Variants in PITPNC1 observed in about 807,000 individuals in gnomAD.
PITPNC1 encodes the protein phosphatidylinositol transfer protein cytoplasmic 1.
PITPNC1 carries 18 observed loss-of-function variants against 44.7 expected under a neutral mutation model. The ratio of observed to expected loss-of-function variants is 0.40; its 90% CI spans 0.28 to 0.60. The LOEUF (loss-of-function observed/expected upper bound fraction) is 0.60, where lower values mean the gene tolerates loss of function less well. Ranked by LOEUF, PITPNC1 falls within the 20% of genes least tolerant of loss-of-function variation. The pLI, the probability that PITPNC1 is intolerant of heterozygous loss-of-function variation, is 0.39. For missense variants in PITPNC1, 290 were observed against 418.4 expected, an observed-to-expected ratio of 0.69 and a Z score of 2.68; for synonymous variants, 141 against 149.6, an observed-to-expected ratio of 0.94 and a Z score of 0.42.
chr17:67,582,919 T>C (rs570418590), intron 5 of PITPNC1, among the ~76,000 whole-genome samples: 13 of 152,246 alleles, frequency 8.5e-5, no homozygotes, highest in African/African-American at 2.9e-4. Flanking sequence ...AGGTTACTGG[T>C]GTTCAATGGG....
intron 6 of PITPNC1, among the ~76,000 whole-genome samples, chr17:67,660,612 C>A (rs1310970478): frequency 6.6e-6 from 1 of 151,532 alleles, no homozygotes; most frequent in Admixed American, 6.6e-5. Flanking sequence ...GTGGCATGAT[C>A]TCAGCTCACG....
In PITPNC1 at chr17:67,508,651, A is replaced by G. The variant is rs907406568; in HGVS notation, c.49-24151A>G. 6.6e-6 allele frequency among the ~76,000 whole-genome samples: 1 copy of G among 152,180 alleles called. No homozygotes were observed. The highest frequency in any genetic ancestry group is 1.5e-5 in the Non-Finnish European group (1 of 68,038). On this transcript the variant is annotated intron_variant, in intron 1 of 8. Coordinates refer to ENST00000581322, the MANE Select transcript of PITPNC1 (RefSeq NM_012417.4). The surrounding 1 kb of genome is among the most constrained non-coding windows in gnomAD (Gnocchi z 4.2). The stretch of plus-strand genomic sequence containing the variant: ...CCTCATTTTACTCAGCCCCTATTCA[A>G]GATGGAGTTGCTCTGGTTCAAATGC...
chr17:67,570,630 AC>A (rs1289669406), intron 4 of PITPNC1, among the ~76,000 whole-genome samples: 1 of 151,908 alleles, frequency 6.6e-6, no homozygotes, highest in Admixed American at 6.6e-5. Context: ...TTTCATTCTC[AC>A]CCCACAGCTT....
chr17:67,429,334 A>C (rs1173857103), intron 1 of PITPNC1, among the ~76,000 whole-genome samples: 1 of 152,240 alleles, frequency 6.6e-6, no homozygotes, highest in African/African-American at 2.4e-5. Context: ...TTCATGGGTC[A>C]GTAAAATTTA....
intron 1 of PITPNC1, among the ~76,000 whole-genome samples, chr17:67,401,341 C>T (rs984462972): frequency 1.3e-5 from 2 of 152,192 alleles, no homozygotes; most frequent in Non-Finnish European, 2.9e-5. Context: ...GGATGGCAAT[C>T]ATCTTGCCTT....
At chr17:67,645,249 G>A (rs1049952716) in intron 6 of PITPNC1, among the ~76,000 whole-genome samples, 1 of 151,480 alleles carries the variant, frequency 6.6e-6, no homozygotes, top group Non-Finnish European at 1.5e-5. Context: ...CCTGAGGCAG[G>A]AGAATCACTT....
chr17:67,595,683 G>T lies in PITPNC1; in HGVS notation c.366+17426G>T, dbSNP rs1003579824. 5.9e-5 allele frequency among the ~76,000 whole-genome samples: 9 copies of T among 152,012 alleles called. No homozygotes were observed. The East Asian group carries it at 1.2e-3, about 20-fold the overall frequency. On this transcript the variant is annotated intron_variant, in intron 5 of 8. Coordinates refer to ENST00000581322, the MANE Select transcript of PITPNC1 (RefSeq NM_012417.4). ...CACTTGATCTTCTGAGACTGATGGCGATTCTCTATGAATAATATTAAGCTA... is the reference window on the plus strand; with the variant it reads ...CACTTGATCTTCTGAGACTGATGGCTATTCTCTATGAATAATATTAAGCTA...
Position 67,508,415 on chromosome 17 carries a change from G to A in PITPNC1, c.49-24387G>A, listed in dbSNP as rs2040135033. Among the ~76,000 whole-genome samples the A allele has an allele frequency of 6.6e-6, 1 of 152,204 alleles. No homozygotes were observed. The highest frequency in any genetic ancestry group is 2.4e-5 in the African/African-American group (1 of 41,468). ...TAGGGTAACTTCCTGATGTTGCCAT[G>A]GCATTTGTAAACTGTCGTGGCTCTG... is the stretch of plus-strand genomic sequence containing the variant. On this transcript the variant is annotated intron_variant, in intron 1 of 8. Coordinates refer to ENST00000581322, the MANE Select transcript of PITPNC1 (RefSeq NM_012417.4). The surrounding 1 kb of genome is among the most constrained non-coding windows in gnomAD (Gnocchi z 4.2).
intron 1 of PITPNC1, among the ~76,000 whole-genome samples, chr17:67,452,356 AT>A (rs2039192685): frequency 6.6e-6 from 1 of 151,388 alleles, no homozygotes; most frequent in Admixed American, 6.6e-5. Context: ...CATTATAGGG[AT>A]GTACCACATT....
intron 1 of PITPNC1, among the ~76,000 whole-genome samples, chr17:67,528,031 A>T (rs2040412655): frequency 6.6e-6 from 1 of 152,026 alleles, no homozygotes; most frequent in Non-Finnish European, 1.5e-5. Context: ...TATTTTATTT[A>T]CTTAGTTTGT....
At position 67,692,625 on chromosome 17, in the gene PITPNC1, A is replaced by C; in HGVS notation, c.736A>C (p.Asn246His). The C allele has an allele frequency of 6.2e-7, 1 of 1,613,926 alleles. No homozygotes were observed. The highest frequency in any genetic ancestry group is 8.5e-7 in the Non-Finnish European group (1 of 1,179,820). ...TGAACGAGCCACTCAGGAAGCCACC[A>C]ACAAGAAAATCGGCATTTTCCCACC... ...EFERATQEATNKKIGIFPPAI... is the reference protein window; with the variant it reads ...EFERATQEATHKKIGIFPPAI... The change falls in exon 9 of 9, where the codon AAC becomes CAC. Residue 246 changes from asparagine to histidine, a missense_variant. Coordinates refer to ENST00000581322, the MANE Select transcript of PITPNC1 (RefSeq NM_012417.4).
intron 2 of PITPNC1, 114 bp downstream of exon 2, chr17:67,533,064 G>A (rs1037480266): frequency 1.3e-5 from 10 of 753,116 alleles, no homozygotes; most frequent in East Asian, 5.4e-5. Context: ...AAGTAACTAC[G>A]TCCACCGTCT....
In PITPNC1 at chr17:67,589,550, C is replaced by T. The variant is rs186603249; in HGVS notation, c.366+11293C>T. On this transcript the variant is annotated intron_variant, in intron 5 of 8. Coordinates refer to ENST00000581322, the MANE Select transcript of PITPNC1 (RefSeq NM_012417.4). ...GGAGTTTGGAGCTAGAGAGGCAATA[C>T]CAAGTATCAAGGTCTGAATGTCCAC... Among the ~76,000 whole-genome samples, 451 of 150,024 alleles carry T rather than the reference C, an allele frequency of 3.0e-3. 1 individual carries two copies. The highest frequency in any genetic ancestry group is 5.1e-3 in the Non-Finnish European group (348 of 67,892).
At position 67,482,619 on chromosome 17, in the gene PITPNC1, T is replaced by TA. The variant is rs1190061908; in HGVS notation, c.49-50182dup. On this transcript the variant is annotated intron_variant, in intron 1 of 8. Coordinates refer to ENST00000581322, the MANE Select transcript of PITPNC1 (RefSeq NM_012417.4). ...AAAACATGATGGAATCCACATTTGG[T>TA]ATTTCCCTGCTATTTCATGAGATGC... 2.0e-5 allele frequency among the ~76,000 whole-genome samples: 3 copies of TA among 152,198 alleles called. No individual in the cohort carries two copies. In the East Asian group the frequency reaches 5.8e-4, roughly 29 times the overall value.
At chr17:67,536,388 G>A (rs1238205953) in intron 2 of PITPNC1, among the ~76,000 whole-genome samples, 7 of 152,020 alleles carry the variant, frequency 4.6e-5, no homozygotes, top group Non-Finnish European at 8.8e-5. Context: ...CACAATGCCC[G>A]ACTAATTTTT....
At chr17:67,484,334 A>C (rs895504056) in intron 1 of PITPNC1, among the ~76,000 whole-genome samples, 5 of 152,144 alleles carry the variant, frequency 3.3e-5, no homozygotes, top group Non-Finnish European at 5.9e-5. Context: ...ATTTCTGTTA[A>C]GCTTGAGATC....
chr17:67,573,556 C>CTTTTTT (rs35434515), intron 4 of PITPNC1, among the ~76,000 whole-genome samples: 2 of 84,050 alleles, frequency 2.4e-5, no homozygotes, highest in Non-Finnish European at 4.3e-5. Flanking sequence ...ACTGAATACT[C>CTTTTTT]TTTTTTTTTT....
chr17:67,668,830 C>T (rs2042465391), intron 6 of PITPNC1, among the ~76,000 whole-genome samples: 1 of 151,584 alleles, frequency 6.6e-6, no homozygotes, highest in African/African-American at 2.4e-5. Flanking sequence ...CCACTGCACT[C>T]CAGCCTGGGC....
intron 1 of PITPNC1, among the ~76,000 whole-genome samples, chr17:67,477,571 TTA>T (rs2039647971): frequency 3.3e-5 from 5 of 151,844 alleles, no homozygotes; most frequent in Non-Finnish European, 4.4e-5. Flanking sequence ...ATTTATTTAT[TTA>T]TTTTTTGGTA....
Sources: gnomAD v4.1 joint callset for allele counts (sites outside exome capture counted in the v4.1 genomes callset) on GRCh38, gnomAD v4.1.1 for gene constraint, Gnocchi (gnomAD v3.1) non-coding constraint, MANE v1.5 for transcripts, NCBI Gene and HGNC (gene_info 2026-07-23, HGNC 2026-07-21) for gene names.